Variants in XKR6 observed in about 807,000 individuals in gnomAD.
XKR6 encodes the protein XK related 6, also known as XK-related protein 6.
A neutral mutation model predicts 56.7 loss-of-function variants in XKR6; 22 were observed. The observed-to-expected ratio is 0.39, with a 90% CI of 0.28 to 0.55. The LOEUF is 0.55. Among genes scored for constraint, XKR6 ranks in the 20% least tolerant of loss-of-function variants. XKR6 has a pLI of 0.66. For missense variants in XKR6, 852 were observed against 889.0 expected, an observed-to-expected ratio of 0.96 and a Z score of 0.53; for synonymous variants, 524 against 387.8, an observed-to-expected ratio of 1.35 and a Z score of -4.13.
At chr8:10,948,958 T>A (rs1051789700) in intron 1 of XKR6, among the ~76,000 whole-genome samples, 2 of 152,226 alleles carry the variant, frequency 1.3e-5, no homozygotes, top group African/African-American at 4.8e-5. Flanking sequence ...TTCCCAGCCC[T>A]GCCCTGGGCG....
intron 1 of XKR6, among the ~76,000 whole-genome samples, chr8:11,117,574 G>GAAAATGTGAAACCATA (rs1445685612): frequency 6.6e-6 from 1 of 152,006 alleles, no homozygotes; most frequent in Non-Finnish European, 1.5e-5. Flanking sequence ...CATTTAATCT[G>GAAAATGTGAAACCATA]AAAATGTGAA....
chr8:11,176,054 C>T (rs2117066290), intron 1 of XKR6, among the ~76,000 whole-genome samples: 1 of 152,298 alleles, frequency 6.6e-6, no homozygotes. Flanking sequence ...AAGCAAATGA[C>T]CTTGTGAAAC....
intron 1 of XKR6, among the ~76,000 whole-genome samples, chr8:11,061,883 C>G (rs1799844489): frequency 6.6e-6 from 1 of 152,156 alleles, no homozygotes; most frequent in Non-Finnish European, 1.5e-5. Flanking sequence ...GTGCTTGGGT[C>G]AGGCAAGGAC....
chr8:11,049,541 A>G (rs7462014), intron 1 of XKR6, among the ~76,000 whole-genome samples: 1 of 152,006 alleles, frequency 6.6e-6, no homozygotes, highest in African/African-American at 2.4e-5. Context: ...GACACCACTA[A>G]GAGGGATTTT....
At chr8:11,182,472 G>A (rs929695208) in intron 1 of XKR6, among the ~76,000 whole-genome samples, 3 of 152,198 alleles carry the variant, frequency 2.0e-5, no homozygotes, top group Non-Finnish European at 4.4e-5. Flanking sequence ...AGTATTTTTA[G>A]GTGACATCTG....
chr8:10,912,306 GTATATATATATATATATATATATA>G (rs535084135), intron 2 of XKR6, among the ~76,000 whole-genome samples: 2 of 55,222 alleles, frequency 3.6e-5, no homozygotes, highest in Non-Finnish European at 6.6e-5. Context: ...AAGAGAGGGT[GTATATATATATATATATATATATA>G]TATATATATA....
Position 11,024,204 on chromosome 8 carries a change from G to GGTGTGTGTGT in XKR6, c.765-99384_765-99375dup, listed in dbSNP as rs61021720. 3.3e-3 allele frequency among the ~76,000 whole-genome samples: 457 copies of GGTGTGTGTGT among 136,896 alleles called. 7 individuals are homozygous for GGTGTGTGTGT. Among genetic ancestry groups the GGTGTGTGTGT allele is most frequent in the East Asian group, 9.5e-3 (38 of 3,984 alleles). The allele number at this position is 136,896 out of a possible 152,430, so 89.8% of individuals were successfully genotyped here. ...GTTGCAGACAACATACCTGTTAGGA[G>GGTGTGTGTGT]GTGTGTGTGTGTGTGTGTGTGTGTG... On this transcript the variant is annotated intron_variant, in intron 1 of 2. Coordinates refer to ENST00000416569, the MANE Select transcript of XKR6 (RefSeq NM_173683.4).
intron 1 of XKR6, among the ~76,000 whole-genome samples, chr8:11,089,195 T>C (rs971828697): frequency 1.3e-5 from 2 of 151,150 alleles, no homozygotes; most frequent in Non-Finnish European, 1.5e-5. Context: ...CACCAGCGTG[T>C]TCAGACCTTG....
chr8:11,056,125 G>C (rs1324589401), intron 1 of XKR6, among the ~76,000 whole-genome samples: 1 of 152,182 alleles, frequency 6.6e-6, no homozygotes, highest in Non-Finnish European at 1.5e-5. Context: ...AGTGCTGCTG[G>C]GGCTGGGGAG....
chr8:11,114,135 T>G (rs576902085), intron 1 of XKR6: 10 of 420,408 alleles, frequency 2.4e-5, no homozygotes, highest in African/African-American at 2.1e-4. Context: ...GAGCATGGAA[T>G]GAAATCTCTA....
chr8:11,120,405 G>C (rs1039042366), intron 1 of XKR6, among the ~76,000 whole-genome samples: 10 of 152,104 alleles, frequency 6.6e-5, no homozygotes, highest in Non-Finnish European at 1.3e-4. Flanking sequence ...GACAAACAGA[G>C]AGCCAAATCA....
intron 1 of XKR6, among the ~76,000 whole-genome samples, chr8:11,075,890 G>A (rs188763074): frequency 6.6e-5 from 10 of 152,212 alleles, no homozygotes; most frequent in South Asian, 2.1e-4. Flanking sequence ...CAAAAAAAAC[G>A]TAACTTGATC....
At chr8:11,054,547 T>C (rs546785432) in intron 1 of XKR6, among the ~76,000 whole-genome samples, 1 of 152,312 alleles carries the variant, frequency 6.6e-6, no homozygotes, top group South Asian at 2.1e-4. Context: ...TAAATCCACC[T>C]GGCAATGTTA....
intron 1 of XKR6, chr8:11,104,958 A>T (rs1363886335): frequency 6.6e-6 from 1 of 152,178 alleles, no homozygotes; most frequent in Non-Finnish European, 1.5e-5. Context: ...GCGTTGGTTG[A>T]AACAGGATGG....
At chr8:11,028,953 C>T (rs1445841992) in intron 1 of XKR6, among the ~76,000 whole-genome samples, 2 of 152,126 alleles carry the variant, frequency 1.3e-5, no homozygotes, top group Non-Finnish European at 2.9e-5. Context: ...CTCCCTGGTA[C>T]CTGTCTCTCC....
chr8:11,158,971 G>T (rs537644746), intron 1 of XKR6, among the ~76,000 whole-genome samples: 1 of 152,300 alleles, frequency 6.6e-6, no homozygotes, highest in South Asian at 2.1e-4. Flanking sequence ...AGTAGGACAC[G>T]TGATTAAAAG....
chr8:10,979,401 C>G (rs939977805), intron 1 of XKR6, among the ~76,000 whole-genome samples: 1 of 152,064 alleles, frequency 6.6e-6, no homozygotes, highest in Non-Finnish European at 1.5e-5. Context: ...AGGCAGCCAG[C>G]ACGTTCCTGG....
chr8:11,108,807 C>T (rs1009480858), intron 1 of XKR6: 5 of 166,580 alleles, frequency 3.0e-5, no homozygotes, highest in African/African-American at 1.2e-4. Context: ...GGCTTCCTGA[C>T]ACATGACCAG....
At chr8:11,069,695 G>A (rs1800068817) in intron 1 of XKR6, among the ~76,000 whole-genome samples, 1 of 145,510 alleles carries the variant, frequency 6.9e-6, no homozygotes, top group African/African-American at 2.7e-5. Flanking sequence ...GAGGGAGAGG[G>A]GAACATAGGT....
Sources: gnomAD v4.1 joint callset for allele counts (sites outside exome capture counted in the v4.1 genomes callset) on GRCh38, gnomAD v4.1.1 for gene constraint, MANE v1.5 for transcripts, NCBI Gene and HGNC (gene_info 2026-07-23, HGNC 2026-07-21) for gene names.